The following PCDH15 variants were observed in gnomAD, a reference collection of about 807,000 sequenced individuals.
PCDH15 encodes the protein protocadherin-15.
In PCDH15, 129 loss-of-function variants were observed where a neutral mutation model predicts 178.5. That is an observed-to-expected ratio of 0.72 (90% CI 0.63 to 0.84). The LOEUF (loss-of-function observed/expected upper bound fraction) is 0.84. Among genes scored for constraint, PCDH15 ranks in the 40% least tolerant of loss-of-function variants. The probability of loss-of-function intolerance (pLI) is 0.00; values close to 1 mark genes in which losing one functional copy is unlikely to be tolerated. For missense variants in PCDH15, 2,230 were observed against 2,099.9 expected (o/e 1.06, Z -1.21); for synonymous variants, 800 against 732.0 (o/e 1.09, Z -1.50).
intron 1 of PCDH15, among the ~76,000 whole-genome samples, chr10:55,290,176 C>CGTACATGTTTGTGTGAATTGAA: frequency 6.6e-6 from 1 of 151,728 alleles, no homozygotes; most frequent in South Asian, 2.1e-4. Flanking sequence ...TTATACAAAC[C>CGTACATGTTTGTGTGAATTGAA]GTACATGTTT....
intron 1 of PCDH15, among the ~76,000 whole-genome samples, chr10:55,312,305 G>T (rs560584209): frequency 6.6e-6 from 1 of 152,124 alleles, no homozygotes; most frequent in Non-Finnish European, 1.5e-5. Context: ...ATGGTAAAGG[G>T]TATCAGTTAT....
intron 2 of PCDH15, among the ~76,000 whole-genome samples, chr10:55,139,005 A>C (rs1448373138): frequency 6.6e-6 from 1 of 152,126 alleles, no homozygotes; most frequent in East Asian, 1.9e-4. Flanking sequence ...TTGTATATTC[A>C]TTTAGCCATA....
intron 11 of PCDH15, among the ~76,000 whole-genome samples, chr10:54,193,258 C>T (rs910588948): frequency 1.3e-5 from 2 of 152,100 alleles, no homozygotes; most frequent in African/African-American, 4.8e-5. Flanking sequence ...ACAGACAATC[C>T]AGACAAGTAC....
At chr10:54,836,482 A>T (rs560105151) in intron 3 of PCDH15, among the ~76,000 whole-genome samples, 1 of 152,192 alleles carries the variant, frequency 6.6e-6, no homozygotes, top group Non-Finnish European at 1.5e-5. Context: ...GAAGTAATCC[A>T]CCCTATACTG....
At chr10:54,465,699 A>G (rs1030001918) in intron 3 of PCDH15, among the ~76,000 whole-genome samples, 2 of 152,168 alleles carry the variant, frequency 1.3e-5, no homozygotes, top group Admixed American at 6.5e-5. Flanking sequence ...ACTGTAATAA[A>G]CATGGGGGTG....
At chr10:55,455,313 C>A (rs1839526293) in intron 2 of PCDH15, among the ~76,000 whole-genome samples, 1 of 152,062 alleles carries the variant, frequency 6.6e-6, no homozygotes. Context: ...TCACTAACTA[C>A]AATGTAAAAC....
chr10:55,128,737 A>G (rs1469061167), intron 2 of PCDH15, among the ~76,000 whole-genome samples: 1 of 151,852 alleles, frequency 6.6e-6, no homozygotes, highest in African/African-American at 2.4e-5. Flanking sequence ...TCACTTGACA[A>G]ACAATTTAGA....
At chr10:53,822,450 G>A in intron 32 of PCDH15, 1 of 1,596,758 alleles carries the variant, frequency 6.3e-7, no homozygotes, top group Non-Finnish European at 8.5e-7. Flanking sequence ...AGGAGCAGGA[G>A]GAGGAGAAGG....
intron 1 of PCDH15, among the ~76,000 whole-genome samples, chr10:54,729,493 G>A (rs79288866): frequency 0.036 from 5,451 of 151,574 alleles, 340 homozygotes; most frequent in African/African-American, 0.13. Flanking sequence ...ATTGTCCCTG[G>A]CAAGGATTTT....
intron 1 of PCDH15, among the ~76,000 whole-genome samples, chr10:55,255,593 TC>T (rs1423230929): frequency 6.6e-6 from 1 of 152,112 alleles, no homozygotes; most frequent in Non-Finnish European, 1.5e-5. Flanking sequence ...TTCCTATTTC[TC>T]CACATCCTCT....
chr10:55,346,533 T>C (rs1221070089), intron 2 of PCDH15, among the ~76,000 whole-genome samples: 2 of 152,142 alleles, frequency 1.3e-5, no homozygotes, highest in Admixed American at 6.6e-5. Context: ...ATAAATTCCA[T>C]TGAATGATCC....
At chr10:54,438,268 CTTTT>C (rs1039826987) in intron 3 of PCDH15, among the ~76,000 whole-genome samples, 957 of 93,984 alleles carry the variant, frequency 0.01, 18 homozygotes, top group African/African-American at 0.036. Flanking sequence ...AAGAGAAAAG[CTTTT>C]TTTTTTTTTT....
intron 2 of PCDH15, among the ~76,000 whole-genome samples, chr10:55,453,258 G>A (rs1044940231): frequency 5.3e-4 from 81 of 152,192 alleles, no homozygotes; most frequent in African/African-American, 1.9e-3. Flanking sequence ...ATCAGCAAGA[G>A]GATAGGTGGA....
At chr10:54,212,342 C>T (rs1045939939) in intron 10 of PCDH15, among the ~76,000 whole-genome samples, 2 of 151,982 alleles carry the variant, frequency 1.3e-5, no homozygotes, top group South Asian at 2.1e-4. Context: ...AACTCCCAAA[C>T]CCTTAATAAA....
At chr10:55,145,194 C>T (rs4935581) in intron 2 of PCDH15, among the ~76,000 whole-genome samples, 137,073 of 151,916 alleles carry the variant, frequency 0.9, 62,516 homozygotes, top group Non-Finnish European at 0.97. Flanking sequence ...ATTCCCAGTT[C>T]CCCATACACC....
chr10:54,692,192 C>T (rs979323952), intron 1 of PCDH15, among the ~76,000 whole-genome samples: 1 of 152,016 alleles, frequency 6.6e-6, no homozygotes, highest in African/African-American at 2.4e-5. Context: ...TTGTAGAGTT[C>T]ATTTATCATT....
chr10:54,566,817 A>T (rs78622952), intron 2 of PCDH15, among the ~76,000 whole-genome samples: 2,847 of 152,256 alleles, frequency 0.019, 70 homozygotes, highest in East Asian at 0.092. Flanking sequence ...CTATGTGCAG[A>T]TGGATGTTTT....
At chr10:55,243,281 T>C (rs1211923463) in intron 1 of PCDH15, among the ~76,000 whole-genome samples, 1 of 152,238 alleles carries the variant, frequency 6.6e-6, no homozygotes, top group Non-Finnish European at 1.5e-5. Context: ...CAGGCTTTTA[T>C]TTAGTTCAAT....
At chr10:55,550,231 T>A (rs1841976794) in intron 2 of PCDH15, among the ~76,000 whole-genome samples, 1 of 152,170 alleles carries the variant, frequency 6.6e-6, no homozygotes, top group Non-Finnish European at 1.5e-5. Flanking sequence ...TATATTTCTA[T>A]CCTTTATTCA....
Sources: allele counts gnomAD v4.1 joint callset (sites outside exome capture counted in the v4.1 genomes callset), GRCh38; gene constraint gnomAD v4.1.1; transcripts MANE v1.5; gene names NCBI Gene and HGNC (gene_info 2026-07-23, HGNC 2026-07-21).